Variants in BCL2L14 observed in about 807,000 individuals in gnomAD.
BCL2L14 encodes BCL2 like 14.
BCL2L14 carries 27 observed loss-of-function variants against 35.3 expected under a neutral mutation model. That is an observed-to-expected ratio of 0.76 (90% CI 0.56 to 1.05). BCL2L14 has a LOEUF of 1.05. Ranked by LOEUF, BCL2L14 falls within the 50% of genes least tolerant of loss-of-function variation. BCL2L14 has a pLI of 0.00. For synonymous variants in BCL2L14, 139 were observed against 145.9 expected (o/e 0.95, Z 0.34); for missense variants, 377 against 382.6 (o/e 0.99, Z 0.12).
rs528954428 is a variant in BCL2L14 at position 12,094,076 on chromosome 12, C to T, written c.679-588C>T. ...GAGCTGAGACCACACCACTGCACTCCAGCCTGGGCAATGGGAGTGAAACCC... is the reference window on the plus strand; with the variant it reads ...GAGCTGAGACCACACCACTGCACTCTAGCCTGGGCAATGGGAGTGAAACCC... On this transcript the variant is annotated intron_variant, in intron 4 of 5. Transcript: ENST00000308721. Among the ~76,000 whole-genome samples, 95 of 149,008 alleles carry T rather than the reference C, an allele frequency of 6.4e-4. 1 individual carries two copies. The highest frequency in any genetic ancestry group is 1.1e-3 in the Non-Finnish European group (76 of 67,618).
At chr12:12,056,431 A>T (rs1948433845) in intron 2 of BCL2L14, among the ~76,000 whole-genome samples, 1 of 152,246 alleles carries the variant, frequency 6.6e-6, no homozygotes, top group Admixed American at 6.5e-5. Context: ...AGTAAGAAGC[A>T]GAATCAGAAT....
chr12:12,057,556 G>A (rs976203609), intron 2 of BCL2L14, among the ~76,000 whole-genome samples: 13 of 152,182 alleles, frequency 8.5e-5, no homozygotes, highest in Admixed American at 3.9e-4. Context: ...TCGGGAGTTC[G>A]AGACCAGCCT....
chr12:12,059,170 C>A lies in BCL2L14; in HGVS notation c.-272+7323C>A, dbSNP rs186166102. On this transcript the variant is annotated intron_variant, in intron 2 of 3. Coordinates refer to the BCL2L14 transcript ENST00000461264. The stretch of plus-strand genomic sequence containing the variant: ...TGCAAGGACACCTCTCTGATTATTC[C>A]CCCACGTTTCAGAGGTGTCAGACCA... Among the ~76,000 whole-genome samples the A allele has an allele frequency of 1.3e-3, 192 of 152,278 alleles. 6 individuals are homozygous for A. The East Asian group carries it at 0.029, about 23-fold the overall frequency.
At chr12:12,059,602 G>T (rs1948491599) in intron 2 of BCL2L14, among the ~76,000 whole-genome samples, 1 of 150,840 alleles carries the variant, frequency 6.6e-6, no homozygotes, top group African/African-American at 2.4e-5. Context: ...CTTTTCTGGA[G>T]GGCAAGAACC....
intron 2 of BCL2L14, among the ~76,000 whole-genome samples, chr12:12,065,343 C>A (rs1370656339): frequency 1.3e-5 from 2 of 152,130 alleles, no homozygotes; most frequent in African/African-American, 2.4e-5. Flanking sequence ...TGAGACCAGC[C>A]TGGCCAGCAT....
upstream of BCL2L14, among the ~76,000 whole-genome samples, chr12:12,070,035 C>G (rs1265995624): frequency 1.3e-5 from 2 of 152,170 alleles, no homozygotes; most frequent in African/African-American, 4.8e-5. Flanking sequence ...CCATATATAT[C>G]TATTTCACTT....
At chr12:12,098,642 T>G (rs73053329) in intron 5 of BCL2L14, among the ~76,000 whole-genome samples, 8,879 of 152,266 alleles carry the variant, frequency 0.058, 373 homozygotes, top group East Asian at 0.097. Context: ...AGGAGAGAGT[T>G]GTAACCTTCA....
chr12:12,060,345 G>A (rs916638560), intron 2 of BCL2L14, among the ~76,000 whole-genome samples: 14 of 122,160 alleles, frequency 1.1e-4, no homozygotes, highest in Admixed American at 5.3e-4. Context: ...TTCATGGCTC[G>A]TTCGGCAGCA....
At chr12:12,052,834 G>C (rs760477548) in intron 2 of BCL2L14, among the ~76,000 whole-genome samples, 11 of 152,202 alleles carry the variant, frequency 7.2e-5, no homozygotes, top group Non-Finnish European at 1.6e-4. Flanking sequence ...AATTTCTAAA[G>C]TTTAGTGATA....
intron 2 of BCL2L14, among the ~76,000 whole-genome samples, chr12:12,058,774 C>T (rs368726568): frequency 3.9e-5 from 6 of 152,314 alleles, no homozygotes; most frequent in South Asian, 2.1e-4. Context: ...TTCACACCGA[C>T]GCGCATGAAA....
At chr12:12,052,947 G>A (rs1052802329) in intron 2 of BCL2L14, among the ~76,000 whole-genome samples, 4 of 152,172 alleles carry the variant, frequency 2.6e-5, no homozygotes, top group African/African-American at 9.7e-5. Context: ...TTGGGGCAGG[G>A]GTAGTAGAAG....
intron 4 of BCL2L14, among the ~76,000 whole-genome samples, chr12:12,091,551 C>T (rs1440868114): frequency 6.6e-6 from 1 of 152,082 alleles, no homozygotes; most frequent in Non-Finnish European, 1.5e-5. Flanking sequence ...AGACATAGAC[C>T]CTTGTTTTTC....
At chr12:12,058,690 T>C (rs1292644309) in intron 2 of BCL2L14, among the ~76,000 whole-genome samples, 1 of 152,060 alleles carries the variant, frequency 6.6e-6, no homozygotes, top group Non-Finnish European at 1.5e-5. Flanking sequence ...TGACTCTCTT[T>C]TCGGACTCAG....
upstream of BCL2L14, among the ~76,000 whole-genome samples, chr12:12,066,037 C>T (rs1948589940): frequency 6.6e-6 from 1 of 152,124 alleles, no homozygotes; most frequent in South Asian, 2.1e-4. Flanking sequence ...ATGATCCACC[C>T]ACCTCGGCCT....
intron 1 of BCL2L14, among the ~76,000 whole-genome samples, chr12:12,073,566 A>ACG (rs1418610740): frequency 2.0e-5 from 3 of 152,062 alleles, no homozygotes; most frequent in Non-Finnish European, 4.4e-5. Context: ...CCACACACAC[A>ACG]CACATGCACA....
At chr12:12,068,417 T>C (rs1040324351), upstream of BCL2L14, among the ~76,000 whole-genome samples, 2 of 152,144 alleles carry the variant, frequency 1.3e-5, no homozygotes, top group African/African-American at 4.8e-5. Flanking sequence ...TTTGTTTTTG[T>C]TTTGAGACAG....
chr12:12,052,318 T>C (rs186703826), intron 2 of BCL2L14, among the ~76,000 whole-genome samples: 46 of 152,350 alleles, frequency 3.0e-4, no homozygotes, highest in Non-Finnish European at 6.2e-4. Flanking sequence ...TGCTGTGCAA[T>C]TGATTAGTAA....
chr12:12,078,749 C>G (rs1434252674), intron 1 of BCL2L14, among the ~76,000 whole-genome samples: 6 of 152,174 alleles, frequency 3.9e-5, no homozygotes, highest in Non-Finnish European at 8.8e-5. Flanking sequence ...ACCTGGCTAT[C>G]TGCATCTCTG....
rs567363238 is a variant in BCL2L14, at chr12:12,099,316, G to A, written c.*328G>A. 4.2e-5 allele frequency: 13 copies of A among 306,588 alleles called. No individual in the cohort carries two copies. The highest frequency in any genetic ancestry group is 3.4e-4 in the East Asian group (4 of 11,866). The allele number at this position is 306,588 out of a possible 1,614,324, so 19.0% of individuals were successfully genotyped here. A position where few individuals can be genotyped will look rare whatever the true frequency, so the allele number is the denominator to read the frequency against. The stretch of plus-strand genomic sequence containing the variant: ...TTGTTAGCTGCTGTAGGGAAAGTGC[G>A]TTACAGATGTCTGCTGACCTCACAA... On this transcript the variant is annotated 3_prime_UTR_variant, in exon 6 of 6. Coordinates refer to ENST00000308721, the MANE Select transcript of BCL2L14 (RefSeq NM_138723.2).
Sources: gnomAD v4.1 joint callset for allele counts (sites outside exome capture counted in the v4.1 genomes callset) on GRCh38, gnomAD v4.1.1 for gene constraint, MANE v1.5 for transcripts, NCBI Gene and HGNC (gene_info 2026-07-23, HGNC 2026-07-21) for gene names.